UBR3: variants seen among roughly 807,000 people sequenced by gnomAD.
UBR3 encodes E3 ubiquitin-protein ligase UBR3.
A neutral mutation model predicts 243.2 loss-of-function variants in UBR3; 85 were observed. That is an observed-to-expected ratio of 0.35 (90% CI 0.29 to 0.42). The LOEUF is 0.42. Among genes scored for constraint, UBR3 ranks in the 10% least tolerant of loss-of-function variants. The pLI is 1.00. For missense variants in UBR3, 1,686 were observed against 2,300.8 expected (o/e 0.73, Z 5.47); for synonymous variants, 748 against 799.8 (o/e 0.94, Z 1.09).
chr2:170,080,001 A>G lies in UBR3; in HGVS notation c.5387A>G (p.Gln1796Arg). ...VCLKGLCCKQQSYCECVLHSQ... is the reference protein window; with the variant it reads ...VCLKGLCCKQRSYCECVLHSQ... ...CTGAAAGGACTTTGCTGCAAGCAAC[A>G]AAGTTACTGTGAATGTGTACTGGTA... Residue 1796 changes from glutamine to arginine, a missense_variant, in exon 37 of 39, where the codon CAA (glutamine) becomes CGA (arginine). Physicochemically the swap from Gln to Arg is conservative, Grantham distance 43. Coordinates refer to ENST00000272793, the MANE Select transcript of UBR3 (RefSeq NM_172070.4). 1.2e-6 allele frequency: 2 copies of G among 1,613,908 alleles called. No homozygotes were observed. The highest frequency in any genetic ancestry group is 1.7e-6 in the Non-Finnish European group (2 of 1,179,902).
intron 1 of UBR3, among the ~76,000 whole-genome samples, chr2:169,829,987 G>T (rs2081881609): frequency 6.6e-6 from 1 of 151,634 alleles, no homozygotes; most frequent in African/African-American, 2.4e-5. Flanking sequence ...ACTTTCCACT[G>T]TTCTACATCT....
intron 24 of UBR3, among the ~76,000 whole-genome samples, chr2:169,985,480 C>T (rs2088959926): frequency 6.6e-6 from 1 of 152,144 alleles, no homozygotes; most frequent in African/African-American, 2.4e-5. Flanking sequence ...ATCCGCCCGC[C>T]TCAGCCTCCC....
intron 29 of UBR3, chr2:170,014,527 G>T (rs1172965767): frequency 6.6e-6 from 1 of 151,822 alleles, no homozygotes; most frequent in Non-Finnish European, 1.5e-5. Context: ...TAATTAATTG[G>T]TTCTTTTACT....
At chr2:169,891,611 G>GACACACAC (rs202022960) in intron 6 of UBR3, among the ~76,000 whole-genome samples, 12,683 of 82,164 alleles carry the variant, frequency 0.15, 714 homozygotes, top group East Asian at 0.35. Context: ...GAGAGAGACA[G>GACACACAC]AGACACACAC....
chr2:169,925,262 A>G lies in UBR3; in HGVS notation c.2023-357A>G, dbSNP rs533542271. Among the ~76,000 whole-genome samples the G allele has an allele frequency of 5.3e-5, 8 of 152,276 alleles. No individual in the cohort carries two copies. The East Asian group carries it at 1.3e-3, about 26-fold the overall frequency. On this transcript the variant is annotated intron_variant, in intron 13 of 38. Transcript: ENST00000272793. ...CTTATTCTAGTGTCTTTCTTTAAACATGTATATTAGGATTGTTGTTGTTGT... is the reference window on the plus strand; with the variant it reads ...CTTATTCTAGTGTCTTTCTTTAAACGTGTATATTAGGATTGTTGTTGTTGT...
chr2:170,021,225 T>TG (rs1447617092), intron 30 of UBR3, among the ~76,000 whole-genome samples: 3 of 152,152 alleles, frequency 2.0e-5, no homozygotes, highest in South Asian at 4.1e-4. Flanking sequence ...ATTGTCAAAT[T>TG]GGGGGGTGTG....
At chr2:169,934,667 A>T (rs1391329138) in intron 19 of UBR3, among the ~76,000 whole-genome samples, 1 of 152,248 alleles carries the variant, frequency 6.6e-6, no homozygotes, top group African/African-American at 2.4e-5. Flanking sequence ...TGCAAACTAA[A>T]ATGAAAAATG....
intron 32 of UBR3, among the ~76,000 whole-genome samples, chr2:170,049,873 A>T (rs879870343): frequency 4.6e-5 from 7 of 152,180 alleles, no homozygotes; most frequent in Non-Finnish European, 1.0e-4. Flanking sequence ...TGCTTTGGGG[A>T]TACAGTGGAT....
At chr2:170,057,209 G>C (rs2091355359) in intron 33 of UBR3, among the ~76,000 whole-genome samples, 1 of 150,964 alleles carries the variant, frequency 6.6e-6, no homozygotes, top group Admixed American at 6.6e-5. Context: ...TCAACCTCCT[G>C]GGCCCAAGGG....
chr2:169,961,842 A>G (rs905614501), intron 24 of UBR3, among the ~76,000 whole-genome samples: 1 of 147,688 alleles, frequency 6.8e-6, no homozygotes, highest in Non-Finnish European at 1.5e-5. Flanking sequence ...CTGAAGATTC[A>G]TATCTCTGAA....
intron 36 of UBR3, among the ~76,000 whole-genome samples, chr2:170,073,888 G>A (rs1382146984): frequency 6.6e-6 from 1 of 152,088 alleles, no homozygotes; most frequent in Non-Finnish European, 1.5e-5. Flanking sequence ...TAGATACAAA[G>A]GAATTTTAAG....
At chr2:169,995,457 AT>A (rs2089444199) in intron 26 of UBR3, among the ~76,000 whole-genome samples, 1 of 152,182 alleles carries the variant, frequency 6.6e-6, no homozygotes. Flanking sequence ...TGTTTTTGTA[AT>A]CAGAAATATA....
intron 1 of UBR3, among the ~76,000 whole-genome samples, chr2:169,834,102 G>A (rs965745638): frequency 1.3e-5 from 2 of 152,130 alleles, no homozygotes; most frequent in Non-Finnish European, 2.9e-5. Flanking sequence ...CTGTGTTGTG[G>A]GAGGTTTTTA....
At chr2:170,015,053 AT>A (rs2090194746) in intron 29 of UBR3, 1 of 372,018 alleles carries the variant, frequency 2.7e-6, no homozygotes, top group African/African-American at 2.1e-5. Context: ...GATGTGTGCA[AT>A]TTTTTGCAGG....
At chr2:170,076,928 A>G (rs2091822427) in intron 36 of UBR3, among the ~76,000 whole-genome samples, 2 of 152,196 alleles carry the variant, frequency 1.3e-5, no homozygotes, top group African/African-American at 4.8e-5. Context: ...CAATATTTTT[A>G]TTCTTCTTGA....
intron 35 of UBR3, among the ~76,000 whole-genome samples, chr2:170,069,187 A>G (rs554289852): frequency 1.3e-5 from 2 of 152,258 alleles, no homozygotes; most frequent in Admixed American, 6.5e-5. Flanking sequence ...CTACAAACCC[A>G]TGTCTCCCAT....
Position 170,001,912 on chromosome 2 carries a change from C to CA in UBR3, c.4029+528dup, listed in dbSNP as rs71006062. Among the ~76,000 whole-genome samples the CA allele has an allele frequency of 7.6e-4, 51 of 67,494 alleles. 2 individuals carry two copies. Among genetic ancestry groups the CA allele is most frequent in the African/African-American group, 1.3e-3 (18 of 14,118 alleles). The allele number at this position is 67,494 out of a possible 152,430, so 44.3% of individuals were successfully genotyped here. A position where few individuals can be genotyped will look rare whatever the true frequency, so the allele number is the denominator to read the frequency against. ...TGGGCAACAGAGAGAGACTCCATCT[C>CA]AAAAAAAAAAAAAAAAAAAAAAAAA... On this transcript the variant is annotated intron_variant, in intron 27 of 38. Coordinates refer to ENST00000272793, the MANE Select transcript of UBR3 (RefSeq NM_172070.4).
intron 24 of UBR3, among the ~76,000 whole-genome samples, chr2:169,971,351 T>C (rs9753333): frequency 0.096 from 14,606 of 151,424 alleles, 822 homozygotes; most frequent in African/African-American, 0.16. Flanking sequence ...TTGTCAATTT[T>C]GGCTTTTGTT....
Position 169,872,359 on chromosome 2 carries a change from A to C in UBR3, c.669A>C (p.Glu223Asp), listed in dbSNP as rs1444736179. The C allele has an allele frequency of 2.7e-6, 4 of 1,477,316 alleles. No homozygotes were observed. Among genetic ancestry groups the C allele is most frequent in the Non-Finnish European group, 3.7e-6 (4 of 1,094,280 alleles). The allele number at this position is 1,477,316 out of a possible 1,614,324, so 91.5% of individuals were successfully genotyped here. A position where few individuals can be genotyped will look rare whatever the true frequency, so the allele number is the denominator to read the frequency against. The change falls in exon 2 of 39, where the codon GAA becomes GAC. Residue 223 changes from glutamate to aspartate, a missense_variant. Glu to Asp is a conservative substitution (Grantham distance 45). This residue lies in a region of UBR3 where 200 missense variants were observed against 231.6 expected (regional missense o/e 0.86). Transcript: ENST00000272793. Reference protein sequence around the residue: ...FIFCLIQYLREGYNEPAADGP... With the variant: ...FIFCLIQYLRDGYNEPAADGP... ...TTTGTCTTATTCAGTACTTAAGAGA[A>C]GGCTATAATGAACCAGGTATGTTTT... is the stretch of plus-strand genomic sequence containing the variant.
Sources: allele counts gnomAD v4.1 joint callset (sites outside exome capture counted in the v4.1 genomes callset), GRCh38; gene constraint gnomAD v4.1.1; regional missense constraint gnomAD v4.1.1; transcripts MANE v1.5; gene names NCBI Gene and HGNC (gene_info 2026-07-23, HGNC 2026-07-21).